Variants in SDC2 observed in about 807,000 individuals in gnomAD.
SDC2 encodes syndecan 2.
A neutral mutation model predicts 22.2 loss-of-function variants in SDC2; 13 were observed. The observed-to-expected ratio is 0.59, with a 90% CI of 0.38 to 0.93. SDC2 has a LOEUF of 0.93. SDC2 is among the 40% of genes least tolerant of loss of function. SDC2 has a pLI of 0.00. For missense variants in SDC2, 235 were observed against 246.8 expected, an observed-to-expected ratio of 0.95 and a Z score of 0.32; for synonymous variants, 94 against 92.8, an observed-to-expected ratio of 1.01 and a Z score of -0.07.
chr8:96,546,987 A>G (rs1563656684), intron 1 of SDC2, among the ~76,000 whole-genome samples: 1 of 152,250 alleles, frequency 6.6e-6, no homozygotes, highest in Non-Finnish European at 1.5e-5. Context: ...GGTAACTCTT[A>G]CAATGAGCAA....
At chr8:96,576,139 T>C (rs1258961905) in intron 1 of SDC2, among the ~76,000 whole-genome samples, 1 of 152,112 alleles carries the variant, frequency 6.6e-6, no homozygotes, top group Non-Finnish European at 1.5e-5. Flanking sequence ...GTCAGCTAAC[T>C]ACAGGCTAGT....
chr8:96,575,464 A>G (rs996629620), intron 1 of SDC2, among the ~76,000 whole-genome samples: 16 of 152,220 alleles, frequency 1.1e-4, no homozygotes, highest in African/African-American at 3.4e-4. Flanking sequence ...TCACTGAAGT[A>G]TAACACAATC....
chr8:96,516,964 G>A (rs774790848), intron 1 of SDC2, among the ~76,000 whole-genome samples: 3 of 152,018 alleles, frequency 2.0e-5, no homozygotes, highest in East Asian at 1.9e-4. Context: ...ATATACCTAC[G>A]AGTGGAATTT....
Position 96,593,082 on chromosome 8 carries a change from C to G in SDC2, c.61-398C>G, listed in dbSNP as rs373752036. 1.4e-4 allele frequency among the ~76,000 whole-genome samples: 22 copies of G among 152,246 alleles called. No individual in the cohort carries two copies. In the East Asian group the frequency reaches 4.1e-3, roughly 28 times the overall value. The stretch of plus-strand genomic sequence containing the variant: ...AGCCGTAATACCTTTGCATACATCC[C>G]CAAGAAAGTCCTAAGTGTTTTGTTC... On this transcript the variant is annotated intron_variant, in intron 1 of 4. Coordinates refer to ENST00000302190, the MANE Select transcript of SDC2 (RefSeq NM_002998.4).
intron 1 of SDC2, among the ~76,000 whole-genome samples, chr8:96,587,978 G>T (rs866592382): frequency 6.6e-6 from 1 of 152,154 alleles, no homozygotes; most frequent in Non-Finnish European, 1.5e-5. Context: ...CCTGGAGATT[G>T]TTGAGATGAT....
chr8:96,594,205 C>A (rs1299709248), intron 2 of SDC2, among the ~76,000 whole-genome samples: 1 of 152,140 alleles, frequency 6.6e-6, no homozygotes, highest in Non-Finnish European at 1.5e-5. Context: ...AACTTGGTGG[C>A]TTAAAGTAAC....
chr8:96,550,520 G>A (rs187534076), intron 1 of SDC2, among the ~76,000 whole-genome samples: 23 of 152,172 alleles, frequency 1.5e-4, no homozygotes, highest in African/African-American at 5.5e-4. Context: ...AATGACTGAT[G>A]GTATTATTAT....
intron 1 of SDC2, among the ~76,000 whole-genome samples, chr8:96,587,152 G>T (rs1814700821): frequency 6.6e-6 from 1 of 152,178 alleles, no homozygotes. Flanking sequence ...TCAAACTCCT[G>T]ACCTCAGGTG....
chr8:96,540,502 C>T (rs1413574306), intron 1 of SDC2, among the ~76,000 whole-genome samples: 12 of 113,962 alleles, frequency 1.1e-4, no homozygotes, highest in Admixed American at 9.7e-4. Context: ...CAGTGAGACC[C>T]CGCCTCCAAA....
At chr8:96,501,295 C>CTTTTTT (rs35998270) in intron 1 of SDC2, among the ~76,000 whole-genome samples, 97 of 55,170 alleles carry the variant, frequency 1.8e-3, no homozygotes, top group East Asian at 2.3e-3. Flanking sequence ...ATACGTATTT[C>CTTTTTT]TTTTTTTTTT....
At chr8:96,574,825 C>A (rs752633532) in intron 1 of SDC2, among the ~76,000 whole-genome samples, 1 of 152,140 alleles carries the variant, frequency 6.6e-6, no homozygotes, top group Non-Finnish European at 1.5e-5. Flanking sequence ...GGTTCTAGAC[C>A]AGTGGTCCCC....
rs560063682 is a variant in SDC2 at position 96,545,721 on chromosome 8, T to G, written c.61-47759T>G. On this transcript the variant is annotated intron_variant, in intron 1 of 4. Coordinates refer to ENST00000302190, the MANE Select transcript of SDC2 (RefSeq NM_002998.4). ...CTGCCTTCCACCCCGACCCTGAAAT[T>G]GCTTGTTTGGGCATTCTGTGGGCTT... is the stretch of plus-strand genomic sequence containing the variant. 3.6e-4 allele frequency among the ~76,000 whole-genome samples: 55 copies of G among 152,172 alleles called. No individual in the cohort carries two copies. In the South Asian group the frequency reaches 0.011, roughly 32 times the overall value.
At chr8:96,554,282 T>C (rs1204205335) in intron 1 of SDC2, among the ~76,000 whole-genome samples, 2 of 152,216 alleles carry the variant, frequency 1.3e-5, no homozygotes, top group Non-Finnish European at 2.9e-5. Flanking sequence ...TAGCCTGCCA[T>C]TTTAAAGTTA....
chr8:96,576,704 C>T (rs1164734285), intron 1 of SDC2, among the ~76,000 whole-genome samples: 1 of 151,518 alleles, frequency 6.6e-6, no homozygotes, highest in Non-Finnish European at 1.5e-5. Context: ...CAGGCGTGAG[C>T]CACCGCGCCC....
intron 1 of SDC2, among the ~76,000 whole-genome samples, chr8:96,495,691 G>A (rs1813063529): frequency 6.6e-6 from 1 of 151,812 alleles, no homozygotes. Flanking sequence ...TTTTTGTGCT[G>A]AGGCTAATTT....
At chr8:96,498,193 A>C (rs1384144248) in intron 1 of SDC2, among the ~76,000 whole-genome samples, 1 of 152,140 alleles carries the variant, frequency 6.6e-6, no homozygotes, top group Non-Finnish European at 1.5e-5. Flanking sequence ...TTTCATACCT[A>C]CTAGGTGCTT....
At chr8:96,562,099 T>A (rs1356114570) in intron 1 of SDC2, among the ~76,000 whole-genome samples, 1 of 152,176 alleles carries the variant, frequency 6.6e-6, no homozygotes, top group Non-Finnish European at 1.5e-5. Context: ...TCCCCCCCAT[T>A]GATCTTCTAG....
chr8:96,536,151 T>G (rs1002201206), intron 1 of SDC2, among the ~76,000 whole-genome samples: 2 of 151,920 alleles, frequency 1.3e-5, no homozygotes, highest in African/African-American at 4.8e-5. Flanking sequence ...CTTTTTTTTT[T>G]TTTCCTTTTG....
intron 1 of SDC2, among the ~76,000 whole-genome samples, chr8:96,536,725 G>A (rs1813760926): frequency 6.6e-6 from 1 of 152,200 alleles, no homozygotes; most frequent in African/African-American, 2.4e-5. Context: ...GCTCTGTAGA[G>A]CTTGTGTGCT....
Sources: gnomAD v4.1 joint callset for allele counts (sites outside exome capture counted in the v4.1 genomes callset) on GRCh38, gnomAD v4.1.1 for gene constraint, MANE v1.5 for transcripts, NCBI Gene and HGNC (gene_info 2026-07-23, HGNC 2026-07-21) for gene names.